Variants in APOBEC3D observed in about 807,000 individuals in gnomAD.
The protein encoded by APOBEC3D is DNA dC->dU-editing enzyme APOBEC-3D.
Under a neutral mutation model 45.6 loss-of-function variants are expected in APOBEC3D, and 37 were observed. That is an observed-to-expected ratio of 0.81 (90% confidence interval 0.62 to 1.07). The LOEUF (loss-of-function observed/expected upper bound fraction) is 1.07. APOBEC3D is among the 50% of genes least tolerant of loss of function. The probability of loss-of-function intolerance (pLI) is 0.00; values close to 1 mark genes in which losing one functional copy is unlikely to be tolerated. For synonymous variants in APOBEC3D, 175 were observed against 180.7 expected, an observed-to-expected ratio of 0.97 and a Z score of 0.25; for missense variants, 496 against 495.3, an observed-to-expected ratio of 1.00 and a Z score of -0.01.
chr22:39,032,699 T>G lies in APOBEC3D; in HGVS notation c.*383T>G. ...AACTCTGCTTACTGGGTTCAAGTGATTCTCCTGTCTCAGCTTCTGAGTAGC... is the reference window on the plus strand; with the variant it reads ...AACTCTGCTTACTGGGTTCAAGTGAGTCTCCTGTCTCAGCTTCTGAGTAGC... On this transcript the variant is annotated 3_prime_UTR_variant, in exon 7 of 7. Transcript: ENST00000216099. 1 of 742,670 alleles carries G rather than the reference T, an allele frequency of 1.3e-6. No individual in the cohort carries two copies. Among genetic ancestry groups the G allele is most frequent in the Non-Finnish European group, 1.6e-6 (1 of 606,766 alleles). 46.0% of individuals were successfully genotyped at this position (742,670 alleles called of 1,614,324 possible).
chr22:39,022,171 G>A (rs958937607), intron 1 of APOBEC3D, among the ~76,000 whole-genome samples: 4 of 152,230 alleles, frequency 2.6e-5, no homozygotes, highest in African/African-American at 9.6e-5. Flanking sequence ...TGAAAAGAGA[G>A]CCCAGTCCCC....
intron 4 of APOBEC3D, among the ~76,000 whole-genome samples, chr22:39,026,573 A>C (rs1925685997): frequency 6.6e-6 from 1 of 152,108 alleles, no homozygotes; most frequent in Non-Finnish European, 1.5e-5. Flanking sequence ...TCTGTCTCCC[A>C]GGCGAGTCCT....
In APOBEC3D at chr22:39,021,451, G is replaced by A; in HGVS notation, c.-69G>A. The A allele has an allele frequency of 1.9e-6, 3 of 1,610,632 alleles. No homozygotes were observed. In the South Asian group the frequency reaches 3.3e-5, roughly 18 times the overall value. On this transcript the variant is annotated 5_prime_UTR_variant, in exon 1 of 7. Transcript: ENST00000216099. ...GCTGTCCAACTGCAAGGAGCCGCAA[G>A]CAGGAAGTGAAACCACAGCACTTCA...
Position 39,025,119 on chromosome 22 carries a change from T to C in APOBEC3D, c.260T>C (p.Phe87Ser). ...NHAEMCFLSWFCGNRLPANRR... is the reference protein window; with the variant it reads ...NHAEMCFLSWSCGNRLPANRR... ...GCAGAAATGTGCTTCTTATCTTGGT[T>C]CTGTGGCAACCGACTGCCTGCTAAC... Residue 87 changes from phenylalanine to serine, a missense_variant, in exon 3 of 7, where the codon TTC becomes TCC. Physicochemically the swap from Phe to Ser is radical, Grantham distance 155. Transcript: ENST00000216099. The C allele has an allele frequency of 6.2e-7, 1 of 1,612,260 alleles. No individual in the cohort carries two copies. Among genetic ancestry groups the C allele is most frequent in the Non-Finnish European group, 8.5e-7 (1 of 1,178,752 alleles).
Position 39,031,984 on chromosome 22 carries a change from G to A in APOBEC3D, c.1042+11G>A, listed in dbSNP as rs1400316454. 1.2e-6 allele frequency: 2 copies of A among 1,613,822 alleles called. No individual in the cohort carries two copies. The highest frequency in any genetic ancestry group is 1.7e-5 in the Admixed American group (1 of 59,998). ...TCATGGGCTACAAAGGTGAGACGTG[G>A]GGGGCTGAGGAGAGTGGGTGCGGGA... On this transcript the variant is annotated intron_variant, in intron 6 of 6. Coordinates refer to ENST00000216099, the MANE Select transcript of APOBEC3D (RefSeq NM_152426.4).
chr22:39,022,159 A>G (rs1465468869), intron 1 of APOBEC3D, among the ~76,000 whole-genome samples: 2 of 152,216 alleles, frequency 1.3e-5, no homozygotes, highest in Non-Finnish European at 1.5e-5. Context: ...TTTTAAATTT[A>G]GTGAAAAGAG....
In APOBEC3D at chr22:39,029,354, T is replaced by G; in HGVS notation, c.606-9T>G. 1 of 1,614,026 alleles carries G rather than the reference T, an allele frequency of 6.2e-7. No homozygotes were observed. The highest frequency in any genetic ancestry group is 8.5e-7 in the Non-Finnish European group (1 of 1,179,932). On this transcript the variant is annotated splice_polypyrimidine_tract_variant and intron_variant, in intron 4 of 6. Coordinates refer to ENST00000216099, the MANE Select transcript of APOBEC3D (RefSeq NM_152426.4). ...TCTCTGCACTGGGGTTTCTCTCTTG[T>G]GCCCTCAGAAACCCGATGGAGGCAA...
intron 6 of APOBEC3D, 50 bp from the exon 7 acceptor site, chr22:39,032,148 G>C: frequency 6.2e-7 from 1 of 1,605,022 alleles, no homozygotes; most frequent in Non-Finnish European, 8.5e-7. Context: ...CCCAGGGCCG[G>C]GAGAGAGGCT....
chr22:39,032,207 C>G lies in APOBEC3D; in HGVS notation c.1052C>G (p.Ser351Cys). The change falls in exon 7 of 7, where the codon TCT becomes TGT. Residue 351 changes from serine (S) to cysteine (C), a missense_variant. Ser to Cys is a moderately radical substitution (Grantham distance 112). Transcript: ENST00000216099. ...CTTGTTTTTTTCTCAGATTTTGTAT[C>G]TTGTTGGAAAAACTTTGTGTACAGT... The part of the protein sequence containing the change: ...VKIMGYKDFV[S>C]CWKNFVYSDD... The G allele has an allele frequency of 6.2e-7, 1 of 1,613,932 alleles. No homozygotes were observed. Among genetic ancestry groups the G allele is most frequent in the Non-Finnish European group, 8.5e-7 (1 of 1,179,930 alleles).
rs372697944 is a variant in APOBEC3D, at chr22:39,025,234, T to G, written c.375T>G (p.Asn125Lys). 18 of 1,613,872 alleles carry G rather than the reference T, an allele frequency of 1.1e-5. No homozygotes were observed. Among genetic ancestry groups the G allele is most frequent in the Non-Finnish European group, 1.4e-5 (17 of 1,179,958 alleles). The part of the protein sequence containing the change: ...KVTKFLAEHP[N>K]VTLTISAARL... Reference sequence around the variant, plus strand: ...CCAAATTCTTGGCTGAGCACCCCAATGTCACCCTGACCATCTCTGCCGCCC... The same window carrying G: ...CCAAATTCTTGGCTGAGCACCCCAAGGTCACCCTGACCATCTCTGCCGCCC... Residue 125 changes from asparagine to lysine, a missense_variant, in exon 3 of 7, where the codon AAT becomes AAG. Asn to Lys is a moderately conservative substitution (Grantham distance 94, BLOSUM62 0). Transcript: ENST00000216099.
intron 4 of APOBEC3D, 139 bp downstream of exon 4, chr22:39,025,810 T>C: frequency 1.3e-6 from 2 of 1,501,156 alleles, no homozygotes; most frequent in Non-Finnish European, 1.8e-6. Context: ...TCACCCACAC[T>C]CCTCATGCTC....
intron 5 of APOBEC3D, among the ~76,000 whole-genome samples, chr22:39,031,047 T>C (rs1392327296): frequency 6.6e-6 from 1 of 152,070 alleles, no homozygotes; most frequent in East Asian, 1.9e-4. Context: ...GCGACTGTAA[T>C]CCTAGCTACT....
chr22:39,023,028 A>G lies in APOBEC3D; in HGVS notation c.210+14A>G. 1 of 1,563,816 alleles carries G rather than the reference A, an allele frequency of 6.4e-7. No individual in the cohort carries two copies. Among genetic ancestry groups the G allele is most frequent in the Non-Finnish European group, 8.7e-7 (1 of 1,153,772 alleles). On this transcript the variant is annotated intron_variant, in intron 2 of 6. Transcript: ENST00000216099. ...CACAGGCAGGAGGTAAGCAGCTGGG[A>G]ATGCAGAAAACACATAAGTAAAATG...
rs752478071 is a variant in APOBEC3D, at chr22:39,032,432, GC to G, written c.*118del. ...GCCTGGTCATCCTGAGCCCCTCCTG[GC>G]CTCAGGGCCATTCCATAGTGCCCCC... On this transcript the variant is annotated 3_prime_UTR_variant, in exon 7 of 7. Coordinates refer to ENST00000216099, the MANE Select transcript of APOBEC3D (RefSeq NM_152426.4). 1.1e-3 allele frequency: 1,656 copies of G among 1,521,422 alleles called. 3 individuals are homozygous for G. Among genetic ancestry groups the G allele is most frequent in the Non-Finnish European group, 1.3e-3 (1,503 of 1,141,178 alleles). The allele number at this position is 1,521,422 out of a possible 1,614,324, so 94.2% of individuals were successfully genotyped here. A position where few individuals can be genotyped will look rare whatever the true frequency, so the allele number is the denominator to read the frequency against.
chr22:39,031,837 G>C lies in APOBEC3D; in HGVS notation c.906G>C (p.Glu302Asp), dbSNP rs376105660. ...CAGAGTGTGCAGGGGAGGTGGCCGA[G>C]TTCCTGGCCAGGCACAGCAACGTGA... is the stretch of plus-strand genomic sequence containing the variant. ...PCPECAGEVA[E>D]FLARHSNVNL... The change falls in exon 6 of 7, where the codon GAG becomes GAC. Residue 302 changes from glutamate (E) to aspartate (D), a missense_variant. Transcript: ENST00000216099. 4.0e-5 allele frequency: 65 copies of C among 1,614,178 alleles called. No homozygotes were observed. The African/African-American group carries it at 8.3e-4, about 21-fold the overall frequency.
intron 4 of APOBEC3D, among the ~76,000 whole-genome samples, chr22:39,027,280 G>A (rs1925767316): frequency 6.6e-6 from 1 of 152,074 alleles, no homozygotes; most frequent in Non-Finnish European, 1.5e-5. Context: ...TGGCATCCTG[G>A]GGGGACATCT....
In APOBEC3D at chr22:39,023,027, G is replaced by T; in HGVS notation, c.210+13G>T. On this transcript the variant is annotated intron_variant, in intron 2 of 6. Coordinates refer to ENST00000216099, the MANE Select transcript of APOBEC3D (RefSeq NM_152426.4). ...TCACAGGCAGGAGGTAAGCAGCTGG[G>T]AATGCAGAAAACACATAAGTAAAAT... 1 of 1,565,212 alleles carries T rather than the reference G, an allele frequency of 6.4e-7. No homozygotes were observed. The highest frequency in any genetic ancestry group is 8.7e-7 in the Non-Finnish European group (1 of 1,154,546).
chr22:39,025,811 C>A, intron 4 of APOBEC3D, 140 bp downstream of exon 4: 1 of 1,502,496 alleles, frequency 6.7e-7, no homozygotes, highest in East Asian at 2.3e-5. Flanking sequence ...CACCCACACT[C>A]CTCATGCTCC....
At chr22:39,024,751 C>A (rs1286239976) in intron 2 of APOBEC3D, among the ~76,000 whole-genome samples, 1 of 152,110 alleles carries the variant, frequency 6.6e-6, no homozygotes, top group East Asian at 1.9e-4. Flanking sequence ...TACTGCCCCC[C>A]CAGCTAGAGG....
Sources: gnomAD v4.1 joint callset for allele counts (sites outside exome capture counted in the v4.1 genomes callset) on GRCh38, gnomAD v4.1.1 for gene constraint, MANE v1.5 for transcripts, NCBI Gene and HGNC (gene_info 2026-07-23, HGNC 2026-07-21) for gene names.